KMT2C: variants seen among roughly 807,000 people sequenced by gnomAD.
KMT2C encodes the protein histone-lysine N-methyltransferase 2C.
KMT2C carries 88 observed loss-of-function variants against 507.9 expected under a neutral mutation model. That is an observed-to-expected ratio of 0.17 (90% CI 0.15 to 0.21). The LOEUF is 0.21. Ranked by LOEUF, KMT2C falls within the 10% of genes least tolerant of loss-of-function variation. The pLI, the probability that KMT2C is intolerant of heterozygous loss-of-function variation, is 1.00. For missense variants in KMT2C, 4,954 were observed against 5,957.8 expected (o/e 0.83, Z 5.55); for synonymous variants, 2,049 against 2,080.8 (o/e 0.98, Z 0.42).
In KMT2C at chr7:152,154,250, T is replaced by G; in HGVS notation, c.12139+17A>C. ...CGTAGTGTAAAGGGAAATAATAAGG[T>G]TAAGTGTTGTTCTTACTTTTCCCAG... On this transcript the variant is annotated intron_variant, in intron 47 of 58. Transcript: ENST00000262189. The G allele has an allele frequency of 6.2e-7, 1 of 1,613,724 alleles. No individual in the cohort carries two copies. Among genetic ancestry groups the G allele is most frequent in the Non-Finnish European group, 8.5e-7 (1 of 1,179,642 alleles).
At chr7:152,258,243 C>A (rs2129169999) in intron 9 of KMT2C, among the ~76,000 whole-genome samples, 1 of 152,220 alleles carries the variant, frequency 6.6e-6, no homozygotes, top group East Asian at 1.9e-4. Flanking sequence ...CCAGCGCCAG[C>A]TTGAAGGAGC....
At chr7:152,308,176 G>A (rs970316927) in intron 6 of KMT2C, among the ~76,000 whole-genome samples, 1 of 152,112 alleles carries the variant, frequency 6.6e-6, no homozygotes, top group Non-Finnish European at 1.5e-5. Flanking sequence ...ACTCATCTAT[G>A]TAAATCAGTT....
intron 15 of KMT2C, among the ~76,000 whole-genome samples, chr7:152,236,502 C>T (rs1405961572): frequency 2.0e-5 from 3 of 152,106 alleles, no homozygotes; most frequent in African/African-American, 4.8e-5. Flanking sequence ...CTGGCTGCAG[C>T]GTCCCGGGGT....
At chr7:152,318,500 G>A (rs776320779) in intron 3 of KMT2C, among the ~76,000 whole-genome samples, 12 of 148,928 alleles carry the variant, frequency 8.1e-5, no homozygotes, top group South Asian at 6.4e-4. Context: ...GATGGTGTGC[G>A]CCTGTAATCC....
chr7:152,263,297 C>T (rs550835078), intron 8 of KMT2C, among the ~76,000 whole-genome samples, 167 bp from the exon 9 acceptor site: 2 of 152,288 alleles, frequency 1.3e-5, no homozygotes, highest in South Asian at 4.1e-4. Context: ...TAAGGATTAC[C>T]TCCTAAATGG....
intron 1 of KMT2C, among the ~76,000 whole-genome samples, chr7:152,401,210 C>T (rs1330572596): frequency 6.6e-6 from 1 of 151,960 alleles, no homozygotes; most frequent in Non-Finnish European, 1.5e-5. Context: ...CCTCAGCCTC[C>T]CAAGTAGCCG....
intron 40 of KMT2C, 46 bp from the exon 41 acceptor site, chr7:152,169,295 TA>T: frequency 9.6e-7 from 1 of 1,038,654 alleles, no homozygotes; most frequent in Non-Finnish European, 1.5e-6. Context: ...ACATTTCAGT[TA>T]AAGGGGGGAA....
chr7:152,259,320 T>A (rs79609013), intron 9 of KMT2C, among the ~76,000 whole-genome samples: 1 of 152,040 alleles, frequency 6.6e-6, no homozygotes, highest in East Asian at 1.9e-4. Flanking sequence ...TGTGATTTTT[T>A]AAGAATATTC....
At chr7:152,371,592 G>GT (rs2097293837) in intron 1 of KMT2C, among the ~76,000 whole-genome samples, 10 of 147,098 alleles carry the variant, frequency 6.8e-5, no homozygotes, top group African/African-American at 2.4e-4. Flanking sequence ...TTGGCTGAGT[G>GT]ATTTTTTTTT....
intron 9 of KMT2C, among the ~76,000 whole-genome samples, chr7:152,255,146 C>CATATATATATATATATACATATATATAT (rs1208910877): frequency 1.6e-5 from 1 of 63,984 alleles, no homozygotes; most frequent in African/African-American, 6.7e-5. Context: ...TATATATATA[C>CATATATATATATATATACATATATATAT]ATATATATAT....
chr7:152,189,325 G>A (rs2093720460), intron 31 of KMT2C, among the ~76,000 whole-genome samples: 1 of 152,142 alleles, frequency 6.6e-6, no homozygotes, highest in Admixed American at 6.5e-5. Flanking sequence ...AATTAAACTT[G>A]ATGATTTGTG....
At position 152,435,379 on chromosome 7, in the gene KMT2C, G is replaced by T. The variant is rs982504603; in HGVS notation, c.161+247C>A. ...CCCAGTGAAAAGGCCCGACTGAAAA[G>T]TAAAGTGTGCGGAGCCGGGCGCCGG... On this transcript the variant is annotated intron_variant, in intron 1 of 58. Transcript: ENST00000262189. Among the ~76,000 whole-genome samples the T allele has an allele frequency of 5.7e-4, 87 of 151,376 alleles. 3 individuals carry two copies.
intron 1 of KMT2C, 131 bp downstream of exon 1, chr7:152,435,495 C>T (rs1301686730): frequency 3.9e-6 from 1 of 256,952 alleles, no homozygotes; most frequent in Non-Finnish European, 6.0e-6. Context: ...CCGCCACCGC[C>T]CGCGGGCCCG....
intron 9 of KMT2C, among the ~76,000 whole-genome samples, chr7:152,255,131 ATATATATATATATACATATATATAT>A (rs2095633793): frequency 7.8e-6 from 1 of 128,850 alleles, no homozygotes; most frequent in South Asian, 2.4e-4. Flanking sequence ...ATATATATAT[ATATATATATATATACATATATATAT>A]ATGTGTGTGT....
chr7:152,317,718 G>A (rs1467124030), intron 3 of KMT2C, among the ~76,000 whole-genome samples: 1 of 152,204 alleles, frequency 6.6e-6, no homozygotes, highest in African/African-American at 2.4e-5. Flanking sequence ...ACGCACTACA[G>A]CAACTCAGCC....
intron 37 of KMT2C, 91 bp downstream of exon 37, chr7:152,179,743 T>C (rs1232020240): frequency 1.3e-5 from 15 of 1,180,148 alleles, no homozygotes; most frequent in Non-Finnish European, 1.5e-5. Context: ...CCTCAGCTAG[T>C]AGCTAGGATT....
chr7:152,321,055 G>A lies in KMT2C; in HGVS notation c.390-5717C>T, dbSNP rs1448567218. Among the ~76,000 whole-genome samples, 12 of 151,808 alleles carry A rather than the reference G, an allele frequency of 7.9e-5. 1 individual carries two copies. The highest frequency in any genetic ancestry group is 5.9e-4 in the Admixed American group (9 of 15,234). On this transcript the variant is annotated intron_variant, in intron 3 of 58. Transcript: ENST00000262189. ...TTGAGACCAGCCTGACCAACATGGC[G>A]AAACCCCGTCTCTACTAAAAATACA...
In KMT2C at chr7:152,297,056, AGAGAGAGAGAGAGAGAG is replaced by A. The variant is rs2096517811; in HGVS notation, c.849+12893_849+12909del. On this transcript the variant is annotated intron_variant, in intron 6 of 58. Transcript: ENST00000262189. ...AAGAAAGAAAGAAAGAAAGAAAGAC[AGAGAGAGAGAGAGAGAG>A]AGAGAGAGAGAGAGAGAGAGAAAGA... Among the ~76,000 whole-genome samples the A allele has an allele frequency of 5.5e-3, 230 of 42,048 alleles. 3 individuals carry two copies. The highest frequency in any genetic ancestry group is 0.011 in the African/African-American group (135 of 12,308). The allele number at this position is 42,048 out of a possible 152,430, so 27.6% of individuals were successfully genotyped here.
At chr7:152,381,347 C>T (rs201902332) in intron 1 of KMT2C, among the ~76,000 whole-genome samples, 44 of 26,574 alleles carry the variant, frequency 1.7e-3, no homozygotes, top group African/African-American at 3.5e-3. Flanking sequence ...TTGGTTGTCA[C>T]GGGGGCAGGG....
Sources: gnomAD v4.1 joint callset for allele counts (sites outside exome capture counted in the v4.1 genomes callset) on GRCh38, gnomAD v4.1.1 for gene constraint, MANE v1.5 for transcripts, NCBI Gene and HGNC (gene_info 2026-07-23, HGNC 2026-07-21) for gene names.